Variants in DPP6 observed in about 807,000 individuals in gnomAD.
DPP6 encodes dipeptidyl peptidase like 6, also known as A-type potassium channel modulatory protein DPP6.
In DPP6, 69 loss-of-function variants were observed where a neutral mutation model predicts 122.6. That is an observed-to-expected ratio of 0.56 (90% CI 0.46 to 0.69). The LOEUF is 0.69. Among genes scored for constraint, DPP6 ranks in the 30% least tolerant of loss-of-function variants. The pLI, the probability that DPP6 is intolerant of heterozygous loss-of-function variation, is 0.00. For missense variants in DPP6, 928 were observed against 1,116.9 expected (o/e 0.83, Z 2.41); for synonymous variants, 418 against 433.1 (o/e 0.97, Z 0.43).
At chr7:154,471,266 A>G (rs1443190316) in intron 2 of DPP6, among the ~76,000 whole-genome samples, 2 of 152,180 alleles carry the variant, frequency 1.3e-5, no homozygotes, top group Non-Finnish European at 2.9e-5. Context: ...ACAAACAAAC[A>G]AAAGCATAGC....
chr7:154,030,089 A>G (rs1799153114), intron 1 of DPP6, among the ~76,000 whole-genome samples: 1 of 152,084 alleles, frequency 6.6e-6, no homozygotes, highest in African/African-American at 2.4e-5. Flanking sequence ...CCAAGTACTC[A>G]GGAGATTGCA....
At chr7:154,627,222 C>T (rs1316645941) in intron 5 of DPP6, among the ~76,000 whole-genome samples, 1 of 125,636 alleles carries the variant, frequency 8.0e-6, no homozygotes, top group Non-Finnish European at 1.6e-5. Context: ...GATGGAGTCT[C>T]GCTCGCTCTG....
intron 7 of DPP6, among the ~76,000 whole-genome samples, chr7:154,723,663 C>T (rs916481019): frequency 6.6e-5 from 10 of 152,292 alleles, no homozygotes; most frequent in African/African-American, 2.4e-4. Flanking sequence ...AGATCCATCC[C>T]TCTGTGGGAA....
At chr7:154,800,946 C>T (rs1798322524) in intron 12 of DPP6, among the ~76,000 whole-genome samples, 1 of 152,116 alleles carries the variant, frequency 6.6e-6, no homozygotes, top group Non-Finnish European at 1.5e-5. Flanking sequence ...ATAATAAATG[C>T]CACTGGAGAA....
intron 1 of DPP6, among the ~76,000 whole-genome samples, chr7:154,205,087 C>T (rs1799370483): frequency 6.6e-6 from 1 of 152,146 alleles, no homozygotes; most frequent in Admixed American, 6.5e-5. Flanking sequence ...TTATTTCTCT[C>T]TAAGTGCTTC....
At chr7:154,822,549 A>G (rs1470647057) in intron 16 of DPP6, among the ~76,000 whole-genome samples, 2 of 152,108 alleles carry the variant, frequency 1.3e-5, no homozygotes, top group Non-Finnish European at 1.5e-5. Flanking sequence ...CATAGCCCAG[A>G]CTATGTGTAG....
intron 8 of DPP6, among the ~76,000 whole-genome samples, chr7:154,756,607 G>A (rs1843686342): frequency 6.6e-6 from 1 of 152,050 alleles, no homozygotes; most frequent in South Asian, 2.1e-4. Flanking sequence ...TAGCTCCTGA[G>A]GCCATGCTGC....
chr7:153,880,489 A>G, the DPP6 span, among the ~76,000 whole-genome samples: 2 of 152,210 alleles, frequency 1.3e-5, no homozygotes, highest in Non-Finnish European at 1.5e-5. Context: ...AGTATTTAAT[A>G]CCAACAAAAT....
chr7:154,456,246 A>T (rs1586326846), intron 2 of DPP6, among the ~76,000 whole-genome samples: 1 of 152,274 alleles, frequency 6.6e-6, no homozygotes, highest in Middle Eastern at 3.4e-3. Flanking sequence ...ACAACCATTG[A>T]TCACTTCTGC....
chr7:154,709,591 T>TC (rs937938073), intron 7 of DPP6, among the ~76,000 whole-genome samples: 24 of 151,622 alleles, frequency 1.6e-4, no homozygotes, highest in African/African-American at 5.8e-4. Flanking sequence ...TTTTTCTTTT[T>TC]TTTTTTTTTC....
rs149131729 is a variant in DPP6 at position 154,354,545 on chromosome 7, G to A, written c.244-91669G>A. Reference sequence around the variant, plus strand: ...ATTAATATTCCTAAATTATGATTTCGCTGGGTGTCTTTTCTCTTCCCAAAG... The same window carrying A: ...ATTAATATTCCTAAATTATGATTTCACTGGGTGTCTTTTCTCTTCCCAAAG... On this transcript the variant is annotated intron_variant, in intron 1 of 25. Transcript: ENST00000377770. Among the ~76,000 whole-genome samples, 117 of 152,044 alleles carry A rather than the reference G, an allele frequency of 7.7e-4. 1 individual carries two copies. Among genetic ancestry groups the A allele is most frequent in the African/African-American group, 2.5e-3 (103 of 41,462 alleles).
rs370677741 is a variant in DPP6 at position 154,586,934 on chromosome 7, C to T, written c.627+20018C>T. Among the ~76,000 whole-genome samples the T allele has an allele frequency of 1.4e-4, 22 of 152,350 alleles. No homozygotes were observed. In the South Asian group the frequency reaches 4.6e-3, roughly 32 times the overall value. On this transcript the variant is annotated intron_variant, in intron 5 of 25. Coordinates refer to ENST00000377770, the MANE Select transcript of DPP6 (RefSeq NM_130797.4). The stretch of plus-strand genomic sequence containing the variant: ...AGGAACTGCTCCTTACTTCTCTTTG[C>T]ACCTGGAAGGTCATAAATGATCAGC...
intron 1 of DPP6, among the ~76,000 whole-genome samples, chr7:154,325,331 C>T (rs1307967518): frequency 6.6e-6 from 1 of 152,148 alleles, no homozygotes; most frequent in African/African-American, 2.4e-5. Context: ...GGATGTAGGG[C>T]CTATATAGCA....
At position 154,324,883 on chromosome 7, in the gene DPP6, T is replaced by TTTTTC. The variant is rs1358698802; in HGVS notation, c.244-121331_244-121330insTTTTC. On this transcript the variant is annotated intron_variant, in intron 1 of 25. Coordinates refer to ENST00000377770, the MANE Select transcript of DPP6 (RefSeq NM_130797.4). The stretch of plus-strand genomic sequence containing the variant: ...CCTTTTGTTATTTTTTTTTTTTTTT[T>TTTTTC]GAGTCTTGCTCTGTTGCCCCTGGAT... Among the ~76,000 whole-genome samples, 125 of 147,846 alleles carry TTTTTC rather than the reference T, an allele frequency of 8.5e-4. 3 individuals are homozygous for TTTTTC. Among genetic ancestry groups the TTTTTC allele is most frequent in the African/African-American group, 2.7e-3 (110 of 40,232 alleles).
intron 3 of DPP6, among the ~76,000 whole-genome samples, chr7:154,534,674 CT>C (rs1828096216): frequency 6.6e-6 from 1 of 152,080 alleles, no homozygotes; most frequent in Non-Finnish European, 1.5e-5. Context: ...AATTCAACAT[CT>C]GTACATGAAA....
chr7:154,478,104 C>T (rs144941359), intron 3 of DPP6, among the ~76,000 whole-genome samples: 161 of 151,966 alleles, frequency 1.1e-3, no homozygotes, highest in African/African-American at 3.7e-3. Flanking sequence ...CAATGATGAA[C>T]GGAGTCTTTA....
At chr7:154,783,549 C>T (rs1797156683) in intron 10 of DPP6, among the ~76,000 whole-genome samples, 1 of 152,234 alleles carries the variant, frequency 6.6e-6, no homozygotes, top group Non-Finnish European at 1.5e-5. Context: ...CCTCCACTTC[C>T]CTTTGTGAGG....
At chr7:153,773,009 C>CTTTT in the DPP6 span, among the ~76,000 whole-genome samples, 47 of 129,522 alleles carry the variant, frequency 3.6e-4, 3 homozygotes, top group East Asian at 2.3e-3. Flanking sequence ...AAAGAAAAGA[C>CTTTT]ATATATTATA....
intron 7 of DPP6, among the ~76,000 whole-genome samples, chr7:154,682,574 G>A (rs1413384539): frequency 1.3e-5 from 2 of 152,244 alleles, no homozygotes; most frequent in Non-Finnish European, 2.9e-5. Context: ...GCACAGAACA[G>A]AAGATAATTT....
Sources: gnomAD v4.1 joint callset for allele counts (sites outside exome capture counted in the v4.1 genomes callset) on GRCh38, gnomAD v4.1.1 for gene constraint, MANE v1.5 for transcripts, NCBI Gene and HGNC (gene_info 2026-07-23, HGNC 2026-07-21) for gene names.